Variants in PRKCA observed in about 807,000 individuals in gnomAD.
The protein encoded by PRKCA is protein kinase C alpha.
Under a neutral mutation model 87.0 loss-of-function variants are expected in PRKCA, and 27 were observed. The observed-to-expected ratio is 0.31, with a 90% CI of 0.23 to 0.43. The LOEUF (loss-of-function observed/expected upper bound fraction) is 0.43, where lower values mean the gene tolerates loss of function less well. Among genes scored for constraint, PRKCA ranks in the 20% least tolerant of loss-of-function variants. The pLI is 1.00. For missense variants in PRKCA, 518 were observed against 852.3 expected, an observed-to-expected ratio of 0.61 and a Z score of 4.88; for synonymous variants, 329 against 311.1, an observed-to-expected ratio of 1.06 and a Z score of -0.61.
chr17:66,375,277 G>A (rs1598623982), intron 2 of PRKCA, among the ~76,000 whole-genome samples: 1 of 152,154 alleles, frequency 6.6e-6, no homozygotes, highest in Non-Finnish European at 1.5e-5. Context: ...CCTTCACCTG[G>A]TTAATGAATA....
At chr17:66,498,600 TC>T (rs765805876) in intron 3 of PRKCA, among the ~76,000 whole-genome samples, 6 of 152,250 alleles carry the variant, frequency 3.9e-5, no homozygotes, top group Non-Finnish European at 7.3e-5. Flanking sequence ...CTCCTTGCCT[TC>T]CTGGACATTC....
intron 3 of PRKCA, among the ~76,000 whole-genome samples, chr17:66,558,634 G>GTT (rs1209444411): frequency 2.6e-5 from 4 of 152,166 alleles, no homozygotes; most frequent in African/African-American, 9.7e-5. Flanking sequence ...TAGGCTAAGA[G>GTT]TGAGATCATC....
chr17:66,639,157 G>C (rs976525854), intron 3 of PRKCA: 3 of 152,282 alleles, frequency 2.0e-5, no homozygotes, highest in Non-Finnish European at 2.9e-5. Context: ...CTCTGCCTTT[G>C]CAGCTGCTCA....
In PRKCA at chr17:66,689,080, C is replaced by A; in HGVS notation, c.918+33C>A. On this transcript the variant is annotated intron_variant, in intron 8 of 16. Coordinates refer to ENST00000413366, the MANE Select transcript of PRKCA (RefSeq NM_002737.3). The surrounding 1 kb of genome is among the most constrained non-coding windows in gnomAD (Gnocchi z 4.1). ...TAACAAAATGCCCGGAAACACCTTT[C>A]CTTTAGAAAGCCCAACTTCAGGAAC... 2.1e-6 allele frequency: 3 copies of A among 1,425,620 alleles called. No individual in the cohort carries two copies. The highest frequency in any genetic ancestry group is 1.3e-5 in the South Asian group (1 of 77,308). 88.3% of individuals were successfully genotyped at this position (1,425,620 alleles called of 1,614,324 possible). A position where few individuals can be genotyped will look rare whatever the true frequency, so the allele number is the denominator to read the frequency against.
intron 3 of PRKCA, among the ~76,000 whole-genome samples, chr17:66,581,474 C>CT (rs1969429170): frequency 6.6e-6 from 1 of 151,888 alleles, no homozygotes; most frequent in Non-Finnish European, 1.5e-5. Flanking sequence ...TTTGTTTTTT[C>CT]TTTTTTGTTT....
rs144248313 is a variant in PRKCA, at chr17:66,342,072, G to A, written c.205+35945G>A. ...GCACACAGACACCAAGGACACACCA[G>A]CGACTAAGTCAGTTGTGGTCCCTAC... On this transcript the variant is annotated intron_variant, in intron 2 of 16. Coordinates refer to ENST00000413366, the MANE Select transcript of PRKCA (RefSeq NM_002737.3). Among the ~76,000 whole-genome samples the A allele has an allele frequency of 1.8e-4, 27 of 152,302 alleles. No homozygotes were observed. The East Asian group carries it at 4.1e-3, about 23-fold the overall frequency.
chr17:66,309,352 CT>C lies in PRKCA; in HGVS notation c.205+3226del. Among the ~76,000 whole-genome samples, 3 of 152,234 alleles carry C rather than the reference CT, an allele frequency of 2.0e-5. No individual in the cohort carries two copies. The East Asian group carries it at 5.8e-4, about 29-fold the overall frequency. ...AGCATGTGAAGTACTAAAGTTATTT[CT>C]ACTTTCATTTATGTTGTATCTTGGG... On this transcript the variant is annotated intron_variant, in intron 2 of 16. Coordinates refer to ENST00000413366, the MANE Select transcript of PRKCA (RefSeq NM_002737.3).
At chr17:66,320,651 T>TGACC (rs749184363) in intron 2 of PRKCA, among the ~76,000 whole-genome samples, 2 of 152,224 alleles carry the variant, frequency 1.3e-5, no homozygotes, top group African/African-American at 2.4e-5. Flanking sequence ...GCAAGGAAGA[T>TGACC]GACCGTTCAC....
chr17:66,540,883 C>T (rs967581462), intron 3 of PRKCA, among the ~76,000 whole-genome samples: 2 of 152,290 alleles, frequency 1.3e-5, no homozygotes, highest in East Asian at 1.9e-4. Flanking sequence ...TTTCTCTGTG[C>T]ACTCCCTGAG....
At chr17:66,675,255 C>G (rs1972295254) in intron 5 of PRKCA, among the ~76,000 whole-genome samples, 1 of 152,180 alleles carries the variant, frequency 6.6e-6, no homozygotes, top group Non-Finnish European at 1.5e-5. Flanking sequence ...CAAACCAGCT[C>G]CCTTGGGCTT....
intron 2 of PRKCA, among the ~76,000 whole-genome samples, chr17:66,438,854 C>G (rs1913556691): frequency 6.6e-6 from 1 of 152,170 alleles, no homozygotes; most frequent in Admixed American, 6.5e-5. Context: ...ATGGGGGATA[C>G]TGCCCCCCAT....
At chr17:66,799,583 A>G (rs866989198) in intron 16 of PRKCA, among the ~76,000 whole-genome samples, 124 of 2,024 alleles carry the variant, frequency 0.061, 2 homozygotes, top group Non-Finnish European at 0.058. Context: ...GGTGGTGGTG[A>G]TGGTGGTGGT....
intron 2 of PRKCA, among the ~76,000 whole-genome samples, chr17:66,342,312 C>T (rs1041772343): frequency 4.6e-5 from 7 of 152,018 alleles, no homozygotes; most frequent in Admixed American, 4.6e-4. Context: ...ATCCCAGCTA[C>T]TCAGGAGGCT....
chr17:66,775,784 G>A, intron 14 of PRKCA: 2 of 982,376 alleles, frequency 2.0e-6, no homozygotes, highest in Non-Finnish European at 2.4e-6. Flanking sequence ...TGCTTACAAT[G>A]TGCATGGCCA....
chr17:66,566,050 A>G (rs1024465760), intron 3 of PRKCA, among the ~76,000 whole-genome samples: 1 of 150,424 alleles, frequency 6.6e-6, no homozygotes, highest in Non-Finnish European at 1.5e-5. Flanking sequence ...TTTAAATTTT[A>G]GATAGATCAT....
chr17:66,317,119 G>A (rs1905362098), intron 2 of PRKCA, among the ~76,000 whole-genome samples: 2 of 150,772 alleles, frequency 1.3e-5, no homozygotes, highest in Non-Finnish European at 3.0e-5. Context: ...TCCAGCCTGG[G>A]TGACAGAGTG....
At chr17:66,707,595 GT>G (rs1388176717) in intron 8 of PRKCA, among the ~76,000 whole-genome samples, 1 of 152,124 alleles carries the variant, frequency 6.6e-6, no homozygotes, top group Non-Finnish European at 1.5e-5. Context: ...ACATTTTATG[GT>G]TCCAGAAATC....
chr17:66,779,434 G>A (rs1975149947), intron 14 of PRKCA, among the ~76,000 whole-genome samples: 1 of 149,840 alleles, frequency 6.7e-6, no homozygotes, highest in African/African-American at 2.5e-5. Context: ...CGTCATAAAG[G>A]GACCAGCCCT....
intron 5 of PRKCA, among the ~76,000 whole-genome samples, chr17:66,676,973 A>C (rs1374745511): frequency 6.6e-6 from 1 of 152,056 alleles, no homozygotes; most frequent in Non-Finnish European, 1.5e-5. Context: ...TTTTTGTGTC[A>C]CTTTCTCCTC....
Sources: gnomAD v4.1 joint callset for allele counts (sites outside exome capture counted in the v4.1 genomes callset) on GRCh38, gnomAD v4.1.1 for gene constraint, Gnocchi (gnomAD v3.1) non-coding constraint, MANE v1.5 for transcripts, NCBI Gene and HGNC (gene_info 2026-07-23, HGNC 2026-07-21) for gene names.